CELF2: variants seen among roughly 807,000 people sequenced by gnomAD.
CELF2 encodes CUGBP Elav-like family member 2.
Under a neutral mutation model 62.6 loss-of-function variants are expected in CELF2, and 8 were observed. That is an observed-to-expected ratio of 0.13 (90% CI 0.07 to 0.23). CELF2 has a LOEUF of 0.23. CELF2 is among the 10% of genes least tolerant of loss of function. CELF2 has a pLI of 1.00. For synonymous variants in CELF2, 258 were observed against 250.0 expected, an observed-to-expected ratio of 1.03 and a Z score of -0.30; for missense variants, 333 against 671.0, an observed-to-expected ratio of 0.50 and a Z score of 5.56.
intron 1 of CELF2, among the ~76,000 whole-genome samples, chr10:11,122,015 TAAA>T (rs1467884844): frequency 3.3e-5 from 5 of 152,222 alleles, no homozygotes. Context: ...GAGTTCATCT[TAAA>T]GAATCTGGAA....
Position 11,255,280 on chromosome 10 carries a change from A to C in CELF2, c.404-2458A>C, listed in dbSNP as rs141237393. Among the ~76,000 whole-genome samples, 63 of 152,234 alleles carry C rather than the reference A, an allele frequency of 4.1e-4. No homozygotes were observed. Among genetic ancestry groups the C allele is most frequent in the African/African-American group, 1.4e-3 (57 of 41,546 alleles). On this transcript the variant is annotated intron_variant, in intron 4 of 12. Coordinates refer to ENST00000633077, the MANE Select transcript of CELF2 (RefSeq NM_001326342.2). The surrounding 1 kb of genome is among the most constrained non-coding windows in gnomAD (Gnocchi z 5.5). ...TTGGAGCCCGGGGTGCCTGTTGCCC[A>C]TGTCTCCTCCGAGTCTGAACACAAG...
intron 2 of CELF2, among the ~76,000 whole-genome samples, chr10:10,987,608 C>A (rs2052924448): frequency 6.6e-6 from 1 of 152,048 alleles, no homozygotes; most frequent in African/African-American, 2.4e-5. Context: ...TTATACTCCA[C>A]AATCAATTGT....
the CELF2 span, among the ~76,000 whole-genome samples, chr10:10,636,374 G>A: frequency 6.6e-6 from 1 of 152,094 alleles, no homozygotes; most frequent in Non-Finnish European, 1.5e-5. Context: ...ACCTTCTGCT[G>A]CATATATTAA....
the CELF2 span, among the ~76,000 whole-genome samples, chr10:10,643,154 T>A: frequency 6.6e-6 from 1 of 152,148 alleles, no homozygotes; most frequent in Non-Finnish European, 1.5e-5. Flanking sequence ...TTTGCTGGAG[T>A]GAACCCTTGG....
chr10:11,256,879 A>G (rs2078942486), intron 4 of CELF2, among the ~76,000 whole-genome samples: 1 of 151,902 alleles, frequency 6.6e-6, no homozygotes, highest in Non-Finnish European at 1.5e-5. Flanking sequence ...TGTCGTCCTC[A>G]TGATCCCCAA....
the CELF2 span, among the ~76,000 whole-genome samples, chr10:10,610,783 C>T: frequency 8.5e-5 from 13 of 152,120 alleles, no homozygotes; most frequent in Non-Finnish European, 1.9e-4. Context: ...ATAAAGCAAA[C>T]AACTTAATTG....
the CELF2 span, among the ~76,000 whole-genome samples, chr10:10,711,946 C>T: frequency 3.3e-5 from 5 of 151,926 alleles, no homozygotes; most frequent in Admixed American, 3.3e-4. Context: ...TACCAGTTCA[C>T]CTATTGGGAG....
the CELF2 span, among the ~76,000 whole-genome samples, chr10:10,582,403 T>A: frequency 6.6e-6 from 1 of 152,188 alleles, no homozygotes; most frequent in East Asian, 1.9e-4. Context: ...ATGCCTGAGA[T>A]AGTTTTCCGA....
chr10:11,301,492 C>CT (rs1266530905), intron 9 of CELF2, among the ~76,000 whole-genome samples: 1 of 19,466 alleles, frequency 5.1e-5, no homozygotes, highest in African/African-American at 2.3e-4. Flanking sequence ...CCCCCTACCG[C>CT]ACCCCCCCAC....
chr10:10,647,939 G>C, the CELF2 span, among the ~76,000 whole-genome samples: 20,166 of 152,212 alleles, frequency 0.13, 1,562 homozygotes, highest in Non-Finnish European at 0.18. Flanking sequence ...TGTTACGGGA[G>C]AGAAAAGCAC....
At chr10:10,489,262 A>G in the CELF2 span, among the ~76,000 whole-genome samples, 1 of 152,130 alleles carries the variant, frequency 6.6e-6, no homozygotes, top group Non-Finnish European at 1.5e-5. Flanking sequence ...TTTTTCTTAG[A>G]GAGTCCAGAT....
intron 1 of CELF2, among the ~76,000 whole-genome samples, chr10:10,883,690 G>A (rs189644987): frequency 7.2e-5 from 11 of 152,294 alleles, no homozygotes; most frequent in African/African-American, 2.4e-4. Flanking sequence ...GAGTCCTGTG[G>A]TAGTGAGAAA....
chr10:10,663,213 C>A, the CELF2 span, among the ~76,000 whole-genome samples: 7 of 152,060 alleles, frequency 4.6e-5, no homozygotes, highest in Non-Finnish European at 7.3e-5. Flanking sequence ...AGGAACTTGC[C>A]CAAGAACAAC....
chr10:10,636,189 A>G, the CELF2 span, among the ~76,000 whole-genome samples: 1 of 152,200 alleles, frequency 6.6e-6, no homozygotes, highest in Non-Finnish European at 1.5e-5. Context: ...ATCTGTTTTA[A>G]AGAATTCTCT....
At chr10:10,472,521 G>T in the CELF2 span, among the ~76,000 whole-genome samples, 50 of 151,784 alleles carry the variant, frequency 3.3e-4, no homozygotes, top group African/African-American at 1.1e-3. Flanking sequence ...CTGCTGTTAA[G>T]GTTTTGTCTG....
At chr10:10,840,301 G>A (rs1031216401) in intron 1 of CELF2, among the ~76,000 whole-genome samples, 34 of 152,160 alleles carry the variant, frequency 2.2e-4, no homozygotes, top group African/African-American at 8.0e-4. Context: ...CTTCCAAAGT[G>A]GCTATATTAT....
chr10:10,707,113 A>G, the CELF2 span, among the ~76,000 whole-genome samples: 1 of 152,192 alleles, frequency 6.6e-6, no homozygotes, highest in Middle Eastern at 3.2e-3. Flanking sequence ...TTTTCCTTCA[A>G]TGTATCAATC....
At chr10:10,911,923 C>G (rs984204104) in intron 1 of CELF2, among the ~76,000 whole-genome samples, 1 of 152,230 alleles carries the variant, frequency 6.6e-6, no homozygotes, top group Non-Finnish European at 1.5e-5. Flanking sequence ...TAAAGTATCT[C>G]TTGTCGAAAC....
At chr10:10,923,926 T>C (rs2065168892) in intron 2 of CELF2, 1 of 152,152 alleles carries the variant, frequency 6.6e-6, no homozygotes, top group Non-Finnish European at 1.5e-5. Context: ...TGAGCAGTTG[T>C]TTTCCCCGTT....
Sources: gnomAD v4.1 joint callset for allele counts (sites outside exome capture counted in the v4.1 genomes callset) on GRCh38, gnomAD v4.1.1 for gene constraint, Gnocchi (gnomAD v3.1) non-coding constraint, MANE v1.5 for transcripts, NCBI Gene and HGNC (gene_info 2026-07-23, HGNC 2026-07-21) for gene names.